Variants in MCTP1 observed in about 807,000 individuals in gnomAD.
MCTP1 encodes multiple C2 and transmembrane domain-containing protein 1.
MCTP1 carries 69 observed loss-of-function variants against 120.6 expected under a neutral mutation model. That is an observed-to-expected ratio of 0.57 (90% confidence interval 0.47 to 0.70). The LOEUF is 0.70. Ranked by LOEUF, MCTP1 falls within the 30% of genes least tolerant of loss-of-function variation. MCTP1 has a pLI of 0.00. For synonymous variants in MCTP1, 529 were observed against 493.1 expected (o/e 1.07, Z -0.96); for missense variants, 1,203 against 1,248.8 (o/e 0.96, Z 0.55).
intron 1 of MCTP1, among the ~76,000 whole-genome samples, chr5:95,203,157 C>A (rs1751258761): frequency 2.6e-5 from 4 of 152,210 alleles, no homozygotes; most frequent in Admixed American, 2.6e-4. Flanking sequence ...AACAATAATT[C>A]TGATTGGATG....
At chr5:95,188,562 G>C (rs1749482576) in intron 1 of MCTP1, among the ~76,000 whole-genome samples, 1 of 152,128 alleles carries the variant, frequency 6.6e-6, no homozygotes, top group Non-Finnish European at 1.5e-5. Context: ...TCAAGGGAAG[G>C]ATGCTGAGTG....
chr5:95,074,544 G>A (rs554121788), intron 1 of MCTP1, among the ~76,000 whole-genome samples: 8 of 152,274 alleles, frequency 5.3e-5, no homozygotes, highest in South Asian at 4.1e-4. Flanking sequence ...GTTTGAACAC[G>A]CATTTATTTT....
chr5:94,861,372 A>T (rs1016824856), intron 17 of MCTP1, among the ~76,000 whole-genome samples: 1 of 151,888 alleles, frequency 6.6e-6, no homozygotes, highest in Non-Finnish European at 1.5e-5. Flanking sequence ...CTGCACATCT[A>T]GTCAACACAG....
At chr5:94,817,299 T>C (rs1476726921) in intron 17 of MCTP1, among the ~76,000 whole-genome samples, 2 of 152,046 alleles carry the variant, frequency 1.3e-5, no homozygotes, top group Non-Finnish European at 2.9e-5. Flanking sequence ...TCCCAGCCAT[T>C]TGGGAGGCTG....
intron 1 of MCTP1, among the ~76,000 whole-genome samples, chr5:95,145,268 T>A (rs533244470): frequency 6.6e-6 from 1 of 152,316 alleles, no homozygotes; most frequent in South Asian, 2.1e-4. Flanking sequence ...TTTACTGAAG[T>A]CATTTATCAG....
At chr5:95,244,586 C>G (rs1756542258) in intron 1 of MCTP1, among the ~76,000 whole-genome samples, 1 of 152,228 alleles carries the variant, frequency 6.6e-6, no homozygotes, top group Non-Finnish European at 1.5e-5. Context: ...GCTAGCGCAA[C>G]AGTCTGCGAT....
At chr5:95,251,012 C>A (rs1250919004) in intron 1 of MCTP1, among the ~76,000 whole-genome samples, 1 of 152,076 alleles carries the variant, frequency 6.6e-6, no homozygotes, top group Non-Finnish European at 1.5e-5. Context: ...AACTAGGAAG[C>A]AGAGATTTAG....
chr5:94,786,404 AATG>A (rs575198085), intron 18 of MCTP1, among the ~76,000 whole-genome samples: 2 of 152,032 alleles, frequency 1.3e-5, no homozygotes, highest in African/African-American at 4.8e-5. Flanking sequence ...TTCTATAAAT[AATG>A]ATATTTTTTA....
intron 10 of MCTP1, 126 bp downstream of exon 10, chr5:94,909,125 G>C: frequency 8.7e-7 from 1 of 1,151,018 alleles, no homozygotes; most frequent in Non-Finnish European, 1.2e-6. Flanking sequence ...TCCAAGCATT[G>C]CCTTACCATG....
intron 2 of MCTP1, among the ~76,000 whole-genome samples, chr5:94,970,326 A>G (rs963046359): frequency 6.6e-6 from 1 of 152,028 alleles, no homozygotes; most frequent in African/African-American, 2.4e-5. Context: ...ACTTATTCAT[A>G]CAACTTATTC....
At position 95,195,648 on chromosome 5, in the gene MCTP1, T is replaced by C. The variant is rs375965772; in HGVS notation, c.720+88208A>G. ...TAAAAGATATGAGTTTGGATCCAAA[T>C]GCCGAGTTGATAGAGCGCTAAGGCA... On this transcript the variant is annotated intron_variant, in intron 1 of 22. Coordinates refer to ENST00000515393, the MANE Select transcript of MCTP1 (RefSeq NM_024717.7). 4.6e-5 allele frequency among the ~76,000 whole-genome samples: 7 copies of C among 152,086 alleles called. No individual in the cohort carries two copies. The East Asian group carries it at 9.7e-4, about 21-fold the overall frequency.
At chr5:95,009,463 C>T (rs1719223683) in intron 2 of MCTP1, among the ~76,000 whole-genome samples, 3 of 152,000 alleles carry the variant, frequency 2.0e-5, no homozygotes, top group South Asian at 4.1e-4. Context: ...AGTAACTGTA[C>T]ATCACAATTT....
At chr5:94,779,005 T>C (rs961268453) in intron 19 of MCTP1, 105 bp downstream of exon 19, 2 of 982,148 alleles carry the variant, frequency 2.0e-6, no homozygotes, top group Non-Finnish European at 3.3e-6. Flanking sequence ...CTGTCCAATT[T>C]TCTGGACTCA....
chr5:94,897,650 C>T (rs1374810960), intron 10 of MCTP1, among the ~76,000 whole-genome samples: 2 of 152,196 alleles, frequency 1.3e-5, no homozygotes, highest in African/African-American at 4.8e-5. Flanking sequence ...CAGGCATGAG[C>T]CACTGCACCC....
rs1760589434 is a variant in MCTP1 at position 95,284,406 on chromosome 5, G to T, written c.170C>A (p.Ser57Tyr). ...ERRTADTPSPSPPPPVGTGNA... is the reference protein window; with the variant it reads ...ERRTADTPSPYPPPPVGTGNA... ...CCCTGTGCCCACCGGGGGTGGCGGG[G>T]AGGGCGACGGGGTGTCCGCAGTGCG... is the stretch of plus-strand genomic sequence containing the variant. The change falls in exon 1 of 23, where the codon TCC (serine) becomes TAC (tyrosine). Residue 57 changes from serine to tyrosine, a missense_variant. Transcript: ENST00000515393. The surrounding 1 kb of genome is among the most constrained non-coding windows in gnomAD (Gnocchi z 5.2). 6.3e-7 allele frequency: 1 copy of T among 1,585,106 alleles called. No individual in the cohort carries two copies.
intron 2 of MCTP1, among the ~76,000 whole-genome samples, chr5:95,007,189 G>A (rs981256676): frequency 6.6e-6 from 1 of 152,150 alleles, no homozygotes. Flanking sequence ...AGAACAGCAT[G>A]AGGGTAATCG....
chr5:95,147,923 G>T (rs375727135), intron 1 of MCTP1, among the ~76,000 whole-genome samples: 1 of 152,132 alleles, frequency 6.6e-6, no homozygotes. Context: ...GTGTTTGCTT[G>T]TCTGAGAAGA....
At chr5:94,912,484 T>G (rs1581318607) in intron 9 of MCTP1, among the ~76,000 whole-genome samples, 1 of 142,198 alleles carries the variant, frequency 7.0e-6, no homozygotes, top group South Asian at 2.3e-4. Context: ...TCTGAGTACT[T>G]TATGTGCCAG....
intron 1 of MCTP1, among the ~76,000 whole-genome samples, chr5:95,253,404 CAAG>C (rs1278411893): frequency 2.0e-5 from 3 of 152,162 alleles, no homozygotes; most frequent in African/African-American, 4.8e-5. Context: ...CCATTCAAAA[CAAG>C]AAGAAGGTAT....
Sources: allele counts gnomAD v4.1 joint callset (sites outside exome capture counted in the v4.1 genomes callset), GRCh38; gene constraint gnomAD v4.1.1; non-coding constraint Gnocchi (gnomAD v3.1); transcripts MANE v1.5; gene names NCBI Gene and HGNC (gene_info 2026-07-23, HGNC 2026-07-21).